Variants in TMEM161A observed in about 807,000 individuals in gnomAD.
TMEM161A encodes adaptive response to oxidative stress protein 29.
Under a neutral mutation model 57.1 loss-of-function variants are expected in TMEM161A, and 46 were observed. That is an observed-to-expected ratio of 0.81 (90% CI 0.64 to 1.03). The LOEUF is 1.03. Among genes scored for constraint, TMEM161A ranks in the 50% least tolerant of loss-of-function variants. The probability of loss-of-function intolerance (pLI) is 0.00; values close to 1 mark genes in which losing one functional copy is unlikely to be tolerated. For missense variants in TMEM161A, 601 were observed against 621.5 expected, an observed-to-expected ratio of 0.97 and a Z score of 0.35; for synonymous variants, 288 against 279.0, an observed-to-expected ratio of 1.03 and a Z score of -0.32.
chr19:19,131,795 G>T (rs1215945379), intron 5 of TMEM161A, among the ~76,000 whole-genome samples: 1 of 152,052 alleles, frequency 6.6e-6, no homozygotes, highest in Admixed American at 6.6e-5. Flanking sequence ...CAAAGTGCTG[G>T]GATTACAGGC....
At chr19:19,120,306 TC>T in intron 11 of TMEM161A, 123 bp from the exon 12 acceptor site, 1 of 874,284 alleles carries the variant, frequency 1.1e-6, no homozygotes, top group Non-Finnish European at 1.7e-6. Context: ...AGACTCCATC[TC>T]CAGCCCAGTC....
In TMEM161A at chr19:19,132,625, A is replaced by G; in HGVS notation, c.286+32T>C. The G allele has an allele frequency of 3.9e-6, 6 of 1,554,848 alleles. No homozygotes were observed. Among genetic ancestry groups the G allele is most frequent in the Non-Finnish European group, 5.2e-6 (6 of 1,149,114 alleles). Reference sequence around the variant, plus strand: ...GTGTGGAGACCTTCAGGGCTGAGGGAGTAGAGTTTAGGGATGGGACTGGGC... The same window carrying G: ...GTGTGGAGACCTTCAGGGCTGAGGGGGTAGAGTTTAGGGATGGGACTGGGC... On this transcript the variant is annotated intron_variant, in intron 4 of 11. Coordinates refer to ENST00000162044, the MANE Select transcript of TMEM161A (RefSeq NM_017814.3). The surrounding 1 kb of genome is among the most constrained non-coding windows in gnomAD (Gnocchi z 4.3).
At chr19:19,127,124 T>C (rs1475985066) in intron 6 of TMEM161A, among the ~76,000 whole-genome samples, 1 of 152,038 alleles carries the variant, frequency 6.6e-6, no homozygotes, top group Non-Finnish European at 1.5e-5. Context: ...AGTAGAATTA[T>C]CATATAATCC....
At chr19:19,128,377 G>A (rs375171522) in intron 6 of TMEM161A, among the ~76,000 whole-genome samples, 6 of 151,092 alleles carry the variant, frequency 4.0e-5, no homozygotes, top group Non-Finnish European at 5.9e-5. Context: ...GACTATAGGC[G>A]TGTGCCATTA....
rs1014841882 is a variant in TMEM161A, at chr19:19,132,162, G to C, written c.443+190C>G. Among the ~76,000 whole-genome samples, 4 of 152,172 alleles carry C rather than the reference G, an allele frequency of 2.6e-5. No homozygotes were observed. Among genetic ancestry groups the C allele is most frequent in the South Asian group, 2.1e-4 (1 of 4,832 alleles). ...TGACCATGTGGAGTGGAGATGAACCGACCTGCTGAGCCCAGCCCAGTCTGT... is the reference window on the plus strand; with the variant it reads ...TGACCATGTGGAGTGGAGATGAACCCACCTGCTGAGCCCAGCCCAGTCTGT... On this transcript the variant is annotated intron_variant, in intron 5 of 11. Coordinates refer to ENST00000162044, the MANE Select transcript of TMEM161A (RefSeq NM_017814.3). This position sits in a 1 kb window ranked among gnomAD's most constrained non-coding sequence, Gnocchi z 4.3.
chr19:19,123,503 A>C (rs1309075509), intron 6 of TMEM161A, among the ~76,000 whole-genome samples: 1 of 152,214 alleles, frequency 6.6e-6, no homozygotes, highest in Non-Finnish European at 1.5e-5. Flanking sequence ...AATAGAAAGC[A>C]AAAAAGTAAG....
intron 2 of TMEM161A, 175 bp from the exon 3 acceptor site, chr19:19,133,385 T>G: frequency 3.3e-6 from 2 of 604,622 alleles, no homozygotes; most frequent in Admixed American, 3.1e-5. Context: ...CCAACAGATC[T>G]AGGCTGAGTG....
At chr19:19,138,370 C>G (rs1285792744) in intron 1 of TMEM161A, 56 bp downstream of exon 1, 71 of 1,581,728 alleles carry the variant, frequency 4.5e-5, no homozygotes, top group Non-Finnish European at 5.8e-5. Flanking sequence ...TCCCTGGACC[C>G]CTTCGGCTGG....
At chr19:19,124,046 C>A (rs2059921324) in intron 6 of TMEM161A, among the ~76,000 whole-genome samples, 1 of 150,900 alleles carries the variant, frequency 6.6e-6, no homozygotes, top group Non-Finnish European at 1.5e-5. Flanking sequence ...GAGAGCAAAA[C>A]TCTGTCTCAA....
Position 19,120,992 on chromosome 19 carries a change from C to T in TMEM161A, c.1089G>A (p.Arg363=), listed in dbSNP as rs1334806075. 8 of 1,606,834 alleles carry T rather than the reference C, an allele frequency of 5.0e-6. No individual in the cohort carries two copies. In the Admixed American group the frequency reaches 5.0e-5, roughly 10 times the overall value. ...GCCTAGGTCATCGGGGCGTCCATAC[C>T]CTCTGCTGGATTTCACGGGCTTCGA... is the stretch of plus-strand genomic sequence containing the variant. ...GRIEAREIQQ[R]VVRVYCYVTV... Residue 363 remains arginine (R), a splice_region_variant and synonymous_variant, in exon 10 of 12, where the codon AGG becomes AGA. Transcript: ENST00000162044.
Position 19,132,314 on chromosome 19 carries a change from C to T in TMEM161A, c.443+38G>A, listed in dbSNP as rs927430297. ...GCCAGGGAAGCTCAGGTCCTGCTCC[C>T]ACCCGCCCCACTGGCAGGGAGCAGA... On this transcript the variant is annotated intron_variant, in intron 5 of 11. Transcript: ENST00000162044. The surrounding 1 kb of genome is among the most constrained non-coding windows in gnomAD (Gnocchi z 4.3). 4.4e-6 allele frequency: 7 copies of T among 1,589,224 alleles called. No individual in the cohort carries two copies. The highest frequency in any genetic ancestry group is 6.0e-6 in the Non-Finnish European group (7 of 1,166,818).
chr19:19,128,696 G>A (rs534090162), intron 6 of TMEM161A, among the ~76,000 whole-genome samples: 11 of 151,674 alleles, frequency 7.3e-5, no homozygotes, highest in Admixed American at 5.3e-4. Context: ...GTGTCACCAC[G>A]CCCGACTAAT....
At chr19:19,133,516 G>A (rs529952151) in intron 2 of TMEM161A, among the ~76,000 whole-genome samples, 244 of 152,212 alleles carry the variant, frequency 1.6e-3, no homozygotes, top group Admixed American at 2.4e-3. Flanking sequence ...CTGTCACCCA[G>A]ACTGGAGTGC....
In TMEM161A at chr19:19,133,814, G is replaced by A. The variant is rs2059971203; in HGVS notation, c.108-604C>T. On this transcript the variant is annotated intron_variant, in intron 2 of 11. Transcript: ENST00000162044. ...AGAGAAGGCCTTGGTCTGTCGCCCAGGCTGGAGTACAGTGGCACCATCTCA... is the reference window on the plus strand; with the variant it reads ...AGAGAAGGCCTTGGTCTGTCGCCCAAGCTGGAGTACAGTGGCACCATCTCA... Among the ~76,000 whole-genome samples the A allele has an allele frequency of 2.0e-5, 3 of 152,132 alleles. No individual in the cohort carries two copies. The South Asian group carries it at 6.2e-4, about 32-fold the overall frequency.
chr19:19,120,206 G>A, intron 11 of TMEM161A, 23 bp from the exon 12 acceptor site: 1 of 1,513,496 alleles, frequency 6.6e-7, no homozygotes, highest in Non-Finnish European at 8.9e-7. Context: ...GATGAAGCGA[G>A]GTATGAGTGG....
Position 19,125,928 on chromosome 19 carries a change from A to T in TMEM161A, c.596-4109T>A, listed in dbSNP as rs552334683. ...TGGATTGCCTGAGGTCTGGAGTTCA[A>T]GACCAGCCTGGTCAACGTGGTGAAA... On this transcript the variant is annotated intron_variant, in intron 6 of 11. Transcript: ENST00000162044. 1.4e-4 allele frequency among the ~76,000 whole-genome samples: 22 copies of T among 151,972 alleles called. No individual in the cohort carries two copies. In the South Asian group the frequency reaches 4.6e-3, roughly 32 times the overall value.
chr19:19,131,507 TACACACACAC>T (rs58481745), intron 5 of TMEM161A, among the ~76,000 whole-genome samples: 35 of 144,834 alleles, frequency 2.4e-4, no homozygotes, highest in Non-Finnish European at 4.4e-4. Flanking sequence ...TATATATATA[TACACACACAC>T]ACACACACAC....
chr19:19,122,098 G>T lies in TMEM161A; in HGVS notation c.596-279C>A, dbSNP rs2146326854. ...ATCTGAGATCAGGAGTTTCAGACCA[G>T]CCTGGCCAATGCAGTGAAACCCCCG... On this transcript the variant is annotated intron_variant, in intron 6 of 11. Coordinates refer to ENST00000162044, the MANE Select transcript of TMEM161A (RefSeq NM_017814.3). 1.3e-5 allele frequency among the ~76,000 whole-genome samples: 2 copies of T among 152,244 alleles called. 1 individual carries two copies. The highest frequency in any genetic ancestry group is 4.2e-4 in the South Asian group (2 of 4,816).
At position 19,132,670 on chromosome 19, in the gene TMEM161A, G is replaced by C. The variant is rs199513716; in HGVS notation, c.273C>G (p.Thr91=). The change falls in exon 4 of 12, where the codon ACC becomes ACG. Residue 91 remains threonine, a synonymous_variant. Transcript: ENST00000162044. The surrounding 1 kb of genome is among the most constrained non-coding windows in gnomAD (Gnocchi z 4.3). The part of the protein sequence containing the change: ...PFQLETCPLT[T]VDALVLRFFL... Reference sequence around the variant, plus strand: ...CTGGGCTATTACCCAGGGCATCCACGGTCGTGAGGGGGCAGGTCTCCAGCT... The same window carrying C: ...CTGGGCTATTACCCAGGGCATCCACCGTCGTGAGGGGGCAGGTCTCCAGCT... 2.5e-6 allele frequency: 4 copies of C among 1,572,740 alleles called. No homozygotes were observed. Among genetic ancestry groups the C allele is most frequent in the Non-Finnish European group, 3.5e-6 (4 of 1,158,410 alleles).
Sources: allele counts gnomAD v4.1 joint callset (sites outside exome capture counted in the v4.1 genomes callset), GRCh38; gene constraint gnomAD v4.1.1; non-coding constraint Gnocchi (gnomAD v3.1); transcripts MANE v1.5; gene names NCBI Gene and HGNC (gene_info 2026-07-23, HGNC 2026-07-21).